C13orf42: variants seen among roughly 807,000 people sequenced by gnomAD.
C13orf42 encodes the protein uncharacterized protein C13orf42.
At chr13:51,105,874 A>C (rs1953349095) in intron 1 of C13orf42, among the ~76,000 whole-genome samples, 2 of 152,202 alleles carry the variant, frequency 1.3e-5, no homozygotes, top group Admixed American at 1.3e-4. Flanking sequence ...CATGATACAG[A>C]AGCTAATTCA....
chr13:51,125,023 G>A (rs1953564775), intron 1 of C13orf42, among the ~76,000 whole-genome samples: 1 of 152,060 alleles, frequency 6.6e-6, no homozygotes, highest in Non-Finnish European at 1.5e-5. Flanking sequence ...TCTATGTAAG[G>A]TTTACTAGTG....
chr13:51,169,099 A>G (rs574767680), intron 1 of C13orf42, among the ~76,000 whole-genome samples: 1 of 152,334 alleles, frequency 6.6e-6, no homozygotes, highest in East Asian at 1.9e-4. Context: ...GGGCATTGCT[A>G]TGAGATATCT....
chr13:51,122,284 A>T (rs1369870407), intron 1 of C13orf42, among the ~76,000 whole-genome samples: 2 of 152,094 alleles, frequency 1.3e-5, no homozygotes, highest in Non-Finnish European at 2.9e-5. Flanking sequence ...CTGTAATCCC[A>T]GCACTTTGGG....
At chr13:51,168,622 G>GGTCCC (rs1227985769) in intron 1 of C13orf42, among the ~76,000 whole-genome samples, 4 of 152,174 alleles carry the variant, frequency 2.6e-5, no homozygotes, top group Non-Finnish European at 5.9e-5. Flanking sequence ...ATGCAGAATG[G>GGTCCC]GTCCCCATCA....
At position 51,084,295 on chromosome 13, in the gene C13orf42, G is replaced by A; in HGVS notation, c.834C>T (p.Asn278=). 5.0e-6 allele frequency: 2 copies of A among 398,714 alleles called. No homozygotes were observed. Among genetic ancestry groups the A allele is most frequent in the Non-Finnish European group, 8.8e-6 (2 of 226,100 alleles). The allele number at this position is 398,714 out of a possible 1,614,324, so 24.7% of individuals were successfully genotyped here. Residue 278 remains asparagine (N), a synonymous_variant, in exon 4 of 4, where the codon AAC becomes AAT. Coordinates refer to ENST00000563710, the MANE Select transcript of C13orf42 (RefSeq NM_001351589.3). The stretch of plus-strand genomic sequence containing the variant: ...CCCACTCCATATCTTCTCCTGAGAA[G>A]TTGAAAAGGATCTGTCTGGAGCTCC... ...DLGSSRQILF[N]FSGEDMEWDA...
intron 1 of C13orf42, among the ~76,000 whole-genome samples, chr13:51,125,464 C>CT (rs1039453489): frequency 6.6e-6 from 1 of 152,178 alleles, no homozygotes; most frequent in African/African-American, 2.4e-5. Flanking sequence ...TTTAAACTCC[C>CT]TTTGAGTGGA....
intron 1 of C13orf42, among the ~76,000 whole-genome samples, chr13:51,130,853 T>TAAA (rs146562175): frequency 1.4e-5 from 2 of 147,936 alleles, no homozygotes; most frequent in African/African-American, 4.9e-5. Flanking sequence ...GTGTTTTTGG[T>TAAA]AAAAAAAAAA....
At chr13:51,147,058 G>A (rs1453457049) in intron 1 of C13orf42, among the ~76,000 whole-genome samples, 1 of 152,232 alleles carries the variant, frequency 6.6e-6, no homozygotes, top group Non-Finnish European at 1.5e-5. Context: ...AGCTGCAGCT[G>A]CAAAAGGTGG....
chr13:51,116,293 G>A (rs1444529051), intron 1 of C13orf42, among the ~76,000 whole-genome samples: 2 of 152,190 alleles, frequency 1.3e-5, no homozygotes, highest in South Asian at 2.1e-4. Flanking sequence ...CAAGCTTGGA[G>A]ATGAGTAATG....
At chr13:51,169,427 A>C (rs1953927968) in intron 1 of C13orf42, among the ~76,000 whole-genome samples, 1 of 151,752 alleles carries the variant, frequency 6.6e-6, no homozygotes, top group South Asian at 2.1e-4. Context: ...GAAAAGAAAA[A>C]CCCATTTTCT....
In C13orf42 at chr13:51,082,741, A is replaced by G. The variant is rs1953077313; in HGVS notation, c.*1410T>C. On this transcript the variant is annotated 3_prime_UTR_variant, in exon 4 of 4. Coordinates refer to ENST00000563710, the MANE Select transcript of C13orf42 (RefSeq NM_001351589.3). ...AGCAACAAAATGAAAGAAACTTTCC[A>G]AACATTGACATTGGCACTCGAAAAA... The G allele has an allele frequency of 2.0e-5, 3 of 152,262 alleles. No homozygotes were observed. In the South Asian group the frequency reaches 6.2e-4, roughly 32 times the overall value. 9.4% of individuals were successfully genotyped at this position (152,262 alleles called of 1,614,324 possible).
intron 1 of C13orf42, among the ~76,000 whole-genome samples, chr13:51,129,699 A>C (rs1953601433): frequency 6.6e-6 from 1 of 152,120 alleles, no homozygotes; most frequent in Non-Finnish European, 1.5e-5. Flanking sequence ...TGGTTAATAG[A>C]AAAAAGGATT....
chr13:51,135,885 A>C (rs1017379554), intron 1 of C13orf42, among the ~76,000 whole-genome samples: 1 of 152,182 alleles, frequency 6.6e-6, no homozygotes, highest in East Asian at 1.9e-4. Context: ...TAACCAAAAA[A>C]ATAGAAACAA....
chr13:51,170,312 T>C (rs1292401233), intron 1 of C13orf42, among the ~76,000 whole-genome samples: 1 of 152,172 alleles, frequency 6.6e-6, no homozygotes. Flanking sequence ...CGGACGCGCA[T>C]GAAGTTTGGT....
At chr13:51,114,669 G>T (rs1395314701), upstream of C13orf42, among the ~76,000 whole-genome samples, 5 of 151,180 alleles carry the variant, frequency 3.3e-5, no homozygotes, top group African/African-American at 9.7e-5. Context: ...CAGACAGACA[G>T]ACAGACAGAC....
chr13:51,113,856 A>G (rs1263088699), upstream of C13orf42, among the ~76,000 whole-genome samples: 2 of 152,130 alleles, frequency 1.3e-5, no homozygotes, highest in African/African-American at 2.4e-5. Context: ...AAGGGCCTGC[A>G]TCCTCTCCCC....
chr13:51,091,813 G>A (rs1286905460), intron 1 of C13orf42, among the ~76,000 whole-genome samples: 1 of 152,128 alleles, frequency 6.6e-6, no homozygotes, highest in African/African-American at 2.4e-5. Flanking sequence ...GGGTTTGCAA[G>A]AGCAGACAGG....
chr13:51,129,900 G>T (rs1953603549), intron 1 of C13orf42, among the ~76,000 whole-genome samples: 1 of 152,100 alleles, frequency 6.6e-6, no homozygotes, highest in African/African-American at 2.4e-5. Context: ...AAACTGGATG[G>T]GGTTTCCCTC....
chr13:51,089,262 C>T (rs1953159170), intron 1 of C13orf42, among the ~76,000 whole-genome samples: 1 of 152,036 alleles, frequency 6.6e-6, no homozygotes, highest in South Asian at 2.1e-4. Context: ...GAGGATTTTC[C>T]TTTTATACTT....
Sources: allele counts gnomAD v4.1 joint callset (sites outside exome capture counted in the v4.1 genomes callset), GRCh38; gene constraint gnomAD v4.1.1; transcripts MANE v1.5; gene names NCBI Gene and HGNC (gene_info 2026-07-23, HGNC 2026-07-21).